The following TLE4 variants were observed in gnomAD, a reference collection of about 807,000 sequenced individuals.
The protein encoded by TLE4 is transducin-like enhancer protein 4.
A neutral mutation model predicts 92.8 loss-of-function variants in TLE4; 8 were observed. That is an observed-to-expected ratio of 0.09 (90% CI 0.05 to 0.16). TLE4 has a LOEUF of 0.16. TLE4 is among the 10% of genes least tolerant of loss of function. TLE4 has a pLI of 1.00. For synonymous variants in TLE4, 371 were observed against 374.1 expected (o/e 0.99, Z 0.10); for missense variants, 675 against 997.6 (o/e 0.68, Z 4.36).
At chr9:79,724,501 A>T (rs148253305) in intron 19 of TLE4, among the ~76,000 whole-genome samples, 143 of 152,042 alleles carry the variant, frequency 9.4e-4, no homozygotes, top group Non-Finnish European at 1.5e-3. Flanking sequence ...AAGCCTCCTG[A>T]CTGACCTGGT....
intron 4 of TLE4, among the ~76,000 whole-genome samples, chr9:79,603,990 T>G (rs1411001001): frequency 6.6e-6 from 1 of 152,172 alleles, no homozygotes; most frequent in Non-Finnish European, 1.5e-5. Context: ...TTCCAGGTGA[T>G]TAGTATGTGC....
intron 4 of TLE4, among the ~76,000 whole-genome samples, chr9:79,600,793 G>A (rs1195583570): frequency 6.6e-6 from 1 of 151,692 alleles, no homozygotes; most frequent in Admixed American, 6.6e-5. Flanking sequence ...TAATAAGCAC[G>A]AACTCGTCTA....
rs1348968112 is a variant in TLE4, at chr9:79,678,666, C to CTT, written c.609+24591_609+24592insTT. Among the ~76,000 whole-genome samples the CTT allele has an allele frequency of 7.3e-5, 11 of 151,526 alleles. No homozygotes were observed. The South Asian group carries it at 2.3e-3, about 32-fold the overall frequency. On this transcript the variant is annotated intron_variant, in intron 8 of 19. Coordinates refer to ENST00000376552, the MANE Select transcript of TLE4 (RefSeq NM_007005.6). ...CTTTAAGTTTTAGGGTACATGTGCACAATGTGCAGGTTTGTTACATATGTA... is the reference window on the plus strand; with the variant it reads ...CTTTAAGTTTTAGGGTACATGTGCACTTAATGTGCAGGTTTGTTACATATGTA...
At position 79,706,909 on chromosome 9, in the gene TLE4, TC is replaced by T. The variant is rs1280061604; in HGVS notation, c.936+12del. On this transcript the variant is annotated intron_variant, in intron 11 of 19. Transcript: ENST00000376552. ...CAAAGAACTTAGCCTTGTAAGCAGC[TC>T]CTTACCATCTCTCTGAGTGTGGCCT... is the stretch of plus-strand genomic sequence containing the variant. 2.5e-6 allele frequency: 4 copies of T among 1,613,128 alleles called. No homozygotes were observed. The highest frequency in any genetic ancestry group is 3.4e-6 in the Non-Finnish European group (4 of 1,179,584).
intron 14 of TLE4, among the ~76,000 whole-genome samples, chr9:79,714,603 C>G (rs2074097442): frequency 4.6e-5 from 7 of 152,208 alleles, no homozygotes; most frequent in Admixed American, 4.6e-4. Flanking sequence ...TGTCTCTCAT[C>G]CAACATAAAC....
At chr9:79,655,977 G>A (rs1273670637) in intron 8 of TLE4, among the ~76,000 whole-genome samples, 1 of 152,160 alleles carries the variant, frequency 6.6e-6, no homozygotes, top group Non-Finnish European at 1.5e-5. Flanking sequence ...TTCAGGGTGA[G>A]CCTGGAAATG....
intron 6 of TLE4, among the ~76,000 whole-genome samples, chr9:79,640,015 CAGA>C (rs1421920643): frequency 2.6e-5 from 4 of 152,126 alleles, no homozygotes; most frequent in African/African-American, 9.7e-5. Flanking sequence ...TTGCAAAGAA[CAGA>C]AGGAGTTGAG....
At position 79,612,636 on chromosome 9, in the gene TLE4, CT is replaced by C. The variant is rs755739219; in HGVS notation, c.253-17del. Reference sequence around the variant, plus strand: ...GCTGACTGTTCTCTTTATTGCTTTCCTTTCCCTTATTTTTTGCAGGCAGAGA... The same window carrying C: ...GCTGACTGTTCTCTTTATTGCTTTCCTTCCCTTATTTTTTGCAGGCAGAGA... On this transcript the variant is annotated intron_variant, in intron 4 of 19. Coordinates refer to ENST00000376552, the MANE Select transcript of TLE4 (RefSeq NM_007005.6). 1.2e-6 allele frequency: 2 copies of C among 1,610,468 alleles called. No homozygotes were observed. Among genetic ancestry groups the C allele is most frequent in the East Asian group, 4.5e-5 (2 of 44,832 alleles).
At chr9:79,614,703 C>G (rs1487075334) in intron 5 of TLE4, among the ~76,000 whole-genome samples, 1 of 152,178 alleles carries the variant, frequency 6.6e-6, no homozygotes, top group East Asian at 1.9e-4. Flanking sequence ...GCTTGTGCAA[C>G]CCCAGGGCCT....
At chr9:79,664,888 CT>C (rs904981228) in intron 8 of TLE4, among the ~76,000 whole-genome samples, 1 of 151,524 alleles carries the variant, frequency 6.6e-6, no homozygotes, top group Non-Finnish European at 1.5e-5. Context: ...TTGTGCCTCC[CT>C]TTTTTTTTCT....
intron 8 of TLE4, among the ~76,000 whole-genome samples, chr9:79,681,745 G>C (rs73652231): frequency 1.3e-5 from 2 of 151,776 alleles, no homozygotes; most frequent in African/African-American, 4.8e-5. Flanking sequence ...GAGGCAGGGA[G>C]GGAAGGAGGG....
intron 6 of TLE4, among the ~76,000 whole-genome samples, chr9:79,645,644 C>T (rs955649436): frequency 1.3e-5 from 2 of 152,156 alleles, no homozygotes; most frequent in Non-Finnish European, 2.9e-5. Context: ...ACAGAGAATC[C>T]AGAAAAGACC....
rs576374200 is a variant in TLE4, at chr9:79,628,592, C to CA, written c.390+1151dup. Among the ~76,000 whole-genome samples, 34 of 149,852 alleles carry CA rather than the reference C, an allele frequency of 2.3e-4. No individual in the cohort carries two copies. In the East Asian group the frequency reaches 2.6e-3, roughly 11 times the overall value. ...ATGTCCCTCTGACCAAAAAAAAAAC[C>CA]AAAAAAACAAAAAAAACCTGGTAGG... On this transcript the variant is annotated intron_variant, in intron 6 of 19. Coordinates refer to ENST00000376552, the MANE Select transcript of TLE4 (RefSeq NM_007005.6).
chr9:79,574,929 A>T lies in TLE4; in HGVS notation c.200A>T (p.Tyr67Phe). The T allele has an allele frequency of 6.2e-7, 1 of 1,613,422 alleles. No homozygotes were observed. The highest frequency in any genetic ancestry group is 8.5e-7 in the Non-Finnish European group (1 of 1,179,472). Residue 67 changes from tyrosine (Y) to phenylalanine (F), a missense_variant, in exon 3 of 20, where the codon TAT becomes TTT. Tyr to Phe is a conservative substitution (Grantham distance 22). Coordinates refer to ENST00000376552, the MANE Select transcript of TLE4 (RefSeq NM_007005.6). ...GAGAAGACAGAGATGCAGCGGCATT[A>T]TGTCATGGTAAGAAAACCATGTCAC... ...ASEKTEMQRH[Y>F]VMYYEMSYGL... is the part of the protein sequence containing the mutation.
intron 19 of TLE4, among the ~76,000 whole-genome samples, chr9:79,724,442 A>C (rs2076122518): frequency 6.6e-6 from 1 of 152,126 alleles, no homozygotes; most frequent in South Asian, 2.1e-4. Flanking sequence ...TTGCCAGCAG[A>C]GGTGCTCATG....
chr9:79,666,198 G>GTGT (rs1564759887), intron 8 of TLE4, among the ~76,000 whole-genome samples: 9 of 128,144 alleles, frequency 7.0e-5, no homozygotes, highest in African/African-American at 2.5e-4. Flanking sequence ...TGTGTGTGTG[G>GTGT]GTGGGGTTTT....
intron 4 of TLE4, among the ~76,000 whole-genome samples, chr9:79,578,830 G>T (rs2038768143): frequency 8.1e-6 from 1 of 123,352 alleles, no homozygotes. Context: ...AGAATTAGTG[G>T]ATTTTTTTTT....
chr9:79,696,878 G>A (rs969529616), intron 8 of TLE4, among the ~76,000 whole-genome samples: 3 of 152,138 alleles, frequency 2.0e-5, no homozygotes, highest in African/African-American at 7.2e-5. Context: ...TATAAAGCCA[G>A]TGCACCTTCC....
rs759688118 is a variant in TLE4 at position 79,709,662 on chromosome 9, A to G, written c.1303A>G (p.Ile435Val). Reference sequence around the variant, plus strand: ...ACACCATCACATGCGTGTGCCAGCAATACCTCCAAACCTGACAGGCATTCC... The same window carrying G: ...ACACCATCACATGCGTGTGCCAGCAGTACCTCCAAACCTGACAGGCATTCC... ...DPHHHMRVPA[I>V]PPNLTGIPGG... Residue 435 changes from isoleucine (I) to valine (V), a missense_variant, in exon 14 of 20, where the codon ATA becomes GTA. Physicochemically the swap from Ile to Val is conservative, Grantham distance 29. This residue lies in a region of TLE4 where 119 missense variants were observed against 175.9 expected (regional missense o/e 0.68). Transcript: ENST00000376552. 2.2e-5 allele frequency: 36 copies of G among 1,614,184 alleles called. 1 individual carries two copies. The highest frequency in any genetic ancestry group is 3.3e-4 in the Middle Eastern group (2 of 6,058).
Sources: gnomAD v4.1 joint callset for allele counts (sites outside exome capture counted in the v4.1 genomes callset) on GRCh38, gnomAD v4.1.1 for gene constraint, gnomAD v4.1.1 regional missense constraint, MANE v1.5 for transcripts, NCBI Gene and HGNC (gene_info 2026-07-23, HGNC 2026-07-21) for gene names.